The following ADK variants were observed in gnomAD, a reference collection of about 807,000 sequenced individuals.
ADK encodes N6,N6-dimethyladenosine kinase.
ADK carries 24 observed loss-of-function variants against 44.7 expected under a neutral mutation model. That is an observed-to-expected ratio of 0.54 (90% CI 0.39 to 0.76). The LOEUF is 0.76. Among genes scored for constraint, ADK ranks in the 30% least tolerant of loss-of-function variants. The pLI is 0.00. For missense variants in ADK, 321 were observed against 425.1 expected (o/e 0.76, Z 2.15); for synonymous variants, 128 against 142.6 (o/e 0.90, Z 0.73).
chr10:74,436,064 A>T (rs1161013218), intron 6 of ADK, among the ~76,000 whole-genome samples: 1 of 152,228 alleles, frequency 6.6e-6, no homozygotes, highest in Non-Finnish European at 1.5e-5. Flanking sequence ...ATTTAAAAGC[A>T]AATGCATACA....
intron 6 of ADK, among the ~76,000 whole-genome samples, chr10:74,466,190 T>C (rs933400707): frequency 1.3e-5 from 2 of 152,186 alleles, no homozygotes; most frequent in African/African-American, 2.4e-5. Flanking sequence ...ATGTCATAAA[T>C]GGAAGCAGCT....
At chr10:74,263,578 G>C (rs958510401) in intron 3 of ADK, among the ~76,000 whole-genome samples, 10 of 152,082 alleles carry the variant, frequency 6.6e-5, no homozygotes, top group South Asian at 4.1e-4. Flanking sequence ...GGTAAAAGGG[G>C]AATACATTAC....
At chr10:74,353,565 AAAGTT>A (rs1293334065) in intron 4 of ADK, among the ~76,000 whole-genome samples, 20 of 115,122 alleles carry the variant, frequency 1.7e-4, no homozygotes, top group African/African-American at 1.2e-4. Flanking sequence ...CCCAGAACTT[AAAGTT>A]AAAAAAAAAA....
intron 5 of ADK, among the ~76,000 whole-genome samples, chr10:74,398,043 A>AATT: frequency 6.6e-6 from 1 of 152,320 alleles, no homozygotes; most frequent in African/African-American, 2.4e-5. Flanking sequence ...TTGGCTTTTA[A>AATT]AGGCTTCGAT....
intron 1 of ADK, among the ~76,000 whole-genome samples, chr10:74,197,865 A>G (rs1426885459): frequency 6.6e-6 from 1 of 152,214 alleles, no homozygotes; most frequent in Non-Finnish European, 1.5e-5. Context: ...GTAGATGTTC[A>G]AAGGTTTGAC....
chr10:74,445,463 AT>A (rs928175499), intron 6 of ADK, among the ~76,000 whole-genome samples: 1 of 152,014 alleles, frequency 6.6e-6, no homozygotes, highest in Non-Finnish European at 1.5e-5. Context: ...TACATTCCTT[AT>A]AACATACTTT....
At position 74,185,768 on chromosome 10, in the gene ADK, G is replaced by A. The variant is rs578007083; in HGVS notation, c.66-14996G>A. On this transcript the variant is annotated intron_variant, in intron 1 of 10. Transcript: ENST00000539909. ...GGAGAATGCCGTGAACCCGGGAGGCGGAGCTTGCAAGTGAGCCGAGATCGT... is the reference window on the plus strand; with the variant it reads ...GGAGAATGCCGTGAACCCGGGAGGCAGAGCTTGCAAGTGAGCCGAGATCGT... Among the ~76,000 whole-genome samples, 48 of 66,754 alleles carry A rather than the reference G, an allele frequency of 7.2e-4. No homozygotes were observed. In the South Asian group the frequency reaches 0.015, roughly 21 times the overall value. 43.8% of individuals were successfully genotyped at this position (66,754 alleles called of 152,430 possible). A position where few individuals can be genotyped will look rare whatever the true frequency, so the allele number is the denominator to read the frequency against.
chr10:74,675,070 A>G (rs1343700455), intron 10 of ADK, among the ~76,000 whole-genome samples: 1 of 152,148 alleles, frequency 6.6e-6, no homozygotes, highest in East Asian at 1.9e-4. Context: ...TTCATCCTGT[A>G]ACTTTCAAGT....
At chr10:74,524,425 G>C (rs1033463695) in intron 6 of ADK, among the ~76,000 whole-genome samples, 2 of 152,080 alleles carry the variant, frequency 1.3e-5, no homozygotes, top group African/African-American at 4.8e-5. Context: ...CAAGGTCTCC[G>C]TGTATTTCCC....
At chr10:74,386,899 G>A (rs1308847564) in intron 4 of ADK, among the ~76,000 whole-genome samples, 2 of 151,682 alleles carry the variant, frequency 1.3e-5, no homozygotes, top group African/African-American at 4.8e-5. Flanking sequence ...ACACAGTGAC[G>A]TCTATCAGAC....
intron 7 of ADK, among the ~76,000 whole-genome samples, chr10:74,579,137 G>T (rs1224723896): frequency 6.6e-6 from 1 of 151,918 alleles, no homozygotes; most frequent in East Asian, 1.9e-4. Context: ...GGGAGACTGA[G>T]GCATGAGAAT....
At chr10:74,637,151 A>G (rs1853646730) in intron 9 of ADK, among the ~76,000 whole-genome samples, 1 of 152,202 alleles carries the variant, frequency 6.6e-6, no homozygotes, top group African/African-American at 2.4e-5. Flanking sequence ...CTGAGTGGAC[A>G]TTAAATACCT....
chr10:74,173,101 CT>C (rs930110468), intron 1 of ADK, among the ~76,000 whole-genome samples: 5 of 132,004 alleles, frequency 3.8e-5, no homozygotes, highest in African/African-American at 1.1e-4. Flanking sequence ...TTTTTTTTTT[CT>C]TTTTTTTTGA....
At chr10:74,311,891 G>T (rs752237843) in intron 3 of ADK, among the ~76,000 whole-genome samples, 3 of 152,110 alleles carry the variant, frequency 2.0e-5, no homozygotes, top group Non-Finnish European at 4.4e-5. Flanking sequence ...AGTTGGGCTG[G>T]GCATGGTGGC....
At chr10:74,177,849 A>C (rs1842399756) in intron 1 of ADK, among the ~76,000 whole-genome samples, 1 of 151,550 alleles carries the variant, frequency 6.6e-6, no homozygotes, top group Non-Finnish European at 1.5e-5. Context: ...TTTAAGAGAC[A>C]GCTTGGGAAC....
intron 2 of ADK, among the ~76,000 whole-genome samples, chr10:74,223,518 A>G (rs1591886362): frequency 6.6e-6 from 1 of 152,194 alleles, no homozygotes; most frequent in Non-Finnish European, 1.5e-5. Context: ...AAATGGACCT[A>G]TGATCCATTT....
intron 9 of ADK, among the ~76,000 whole-genome samples, chr10:74,656,957 T>C (rs1202744172): frequency 6.6e-6 from 1 of 151,766 alleles, no homozygotes; most frequent in Non-Finnish European, 1.5e-5. Context: ...ATTCCTGGAC[T>C]CAAAGGATCC....
At chr10:74,636,459 G>A (rs1043339328) in intron 9 of ADK, among the ~76,000 whole-genome samples, 1 of 151,958 alleles carries the variant, frequency 6.6e-6, no homozygotes, top group Non-Finnish European at 1.5e-5. Flanking sequence ...ATTATCAAAC[G>A]GATCAATTTG....
At chr10:74,169,309 T>G (rs1368591848) in intron 1 of ADK, among the ~76,000 whole-genome samples, 1 of 152,226 alleles carries the variant, frequency 6.6e-6, no homozygotes, top group Admixed American at 6.5e-5. Flanking sequence ...CTTTCTATAT[T>G]TTTGTATTAA....
Sources: gnomAD v4.1 joint callset for allele counts (sites outside exome capture counted in the v4.1 genomes callset) on GRCh38, gnomAD v4.1.1 for gene constraint, MANE v1.5 for transcripts, NCBI Gene and HGNC (gene_info 2026-07-23, HGNC 2026-07-21) for gene names.